The following ATP10B variants were observed in gnomAD, a reference collection of about 807,000 sequenced individuals.
ATP10B encodes the protein ATPase phospholipid transporting 10B (putative).
Under a neutral mutation model 141.2 loss-of-function variants are expected in ATP10B, and 122 were observed. The observed-to-expected ratio is 0.86, with a 90% CI of 0.75 to 1.00. The LOEUF (loss-of-function observed/expected upper bound fraction) is 1.00, where lower values mean the gene tolerates loss of function less well. ATP10B is among the 50% of genes least tolerant of loss of function. ATP10B has a pLI of 0.00. For missense variants in ATP10B, 1,876 were observed against 1,825.3 expected (o/e 1.03, Z -0.51); for synonymous variants, 685 against 692.0 (o/e 0.99, Z 0.16).
intron 12 of ATP10B, chr5:160,633,354 T>C (rs1032829690): frequency 6.6e-6 from 1 of 152,218 alleles, no homozygotes; most frequent in Non-Finnish European, 1.5e-5. Context: ...ATGTGGCACA[T>C]ATACACCATG....
chr5:160,791,696 C>T (rs148621152), intron 1 of ATP10B, among the ~76,000 whole-genome samples: 108 of 152,302 alleles, frequency 7.1e-4, no homozygotes, highest in African/African-American at 2.4e-3. Context: ...AGGAATACTT[C>T]TCAGTAGCTG....
At chr5:160,683,530 C>T (rs1262998473) in intron 6 of ATP10B, among the ~76,000 whole-genome samples, 2 of 152,208 alleles carry the variant, frequency 1.3e-5, no homozygotes, top group Non-Finnish European at 2.9e-5. Context: ...GAGAAGAGAA[C>T]CCCTCCTTAG....
Position 160,607,064 on chromosome 5 carries a change from T to C in ATP10B, c.2861A>G (p.Asn954Ser), listed in dbSNP as rs766324052. 9 of 1,613,290 alleles carry C rather than the reference T, an allele frequency of 5.6e-6. No homozygotes were observed. The highest frequency in any genetic ancestry group is 1.7e-4 in the Middle Eastern group (1 of 6,058). ...TTGCTTTAGCTCTTCCAATGCACAATTGAGGATGGATTCACAGGTCTCCTA... is the reference window on the plus strand; with the variant it reads ...TTGCTTTAGCTCTTCCAATGCACAACTGAGGATGGATTCACAGGTCTCCTA... Reference protein sequence around the residue: ...ENQETCESILNCALEELKQFR... With the variant: ...ENQETCESILSCALEELKQFR... Residue 954 changes from asparagine to serine, a missense_variant, in exon 19 of 26, where the codon AAT becomes AGT. Coordinates refer to ENST00000327245, the MANE Select transcript of ATP10B (RefSeq NM_025153.3).
the ATP10B span, among the ~76,000 whole-genome samples, chr5:160,920,470 A>G: frequency 2.0e-5 from 3 of 152,352 alleles, no homozygotes; most frequent in African/African-American, 7.2e-5. Context: ...GAGCTCTGAC[A>G]TGGTCATTCT....
the ATP10B span, among the ~76,000 whole-genome samples, chr5:160,871,658 T>C: frequency 6.6e-6 from 1 of 152,148 alleles, no homozygotes; most frequent in African/African-American, 2.4e-5. Context: ...CTTAAAAGAA[T>C]AGTCTCCAAT....
intron 8 of ATP10B, among the ~76,000 whole-genome samples, chr5:160,646,710 A>T (rs759835363): frequency 6.6e-6 from 1 of 151,848 alleles, no homozygotes; most frequent in African/African-American, 2.4e-5. Flanking sequence ...TAATTTTAGG[A>T]TGTTCTGAAG....
At chr5:160,855,890 A>G (rs1753984708), upstream of ATP10B, among the ~76,000 whole-genome samples, 3 of 151,966 alleles carry the variant, frequency 2.0e-5, no homozygotes, top group South Asian at 6.2e-4. Flanking sequence ...GTAAAAAAAA[A>G]AATTAGTTGC....
chr5:160,652,502 A>G (rs1224123121), intron 7 of ATP10B, among the ~76,000 whole-genome samples: 1 of 146,672 alleles, frequency 6.8e-6, no homozygotes, highest in Non-Finnish European at 1.5e-5. Context: ...TCTGTCACCC[A>G]GGCTGCAGTG....
chr5:160,605,953 G>A (rs1757364287), intron 19 of ATP10B, among the ~76,000 whole-genome samples: 1 of 152,216 alleles, frequency 6.6e-6, no homozygotes, highest in South Asian at 2.1e-4. Context: ...AGCAAAGTTA[G>A]GTAGGATTGG....
At chr5:160,703,320 T>C (rs2127762986) in intron 3 of ATP10B, among the ~76,000 whole-genome samples, 1 of 152,330 alleles carries the variant, frequency 6.6e-6, no homozygotes, top group African/African-American at 2.4e-5. Flanking sequence ...AGCTATGTTT[T>C]ATACTATACT....
chr5:160,599,636 G>A (rs190103469), intron 21 of ATP10B, among the ~76,000 whole-genome samples: 125 of 152,312 alleles, frequency 8.2e-4, no homozygotes, highest in Middle Eastern at 3.4e-3. Context: ...CGGTGACCTC[G>A]TGAGAAGGTT....
the ATP10B span, among the ~76,000 whole-genome samples, chr5:160,918,701 C>T: frequency 1.5e-4 from 23 of 152,230 alleles, no homozygotes; most frequent in Admixed American, 1.1e-3. Flanking sequence ...TGGATCATCA[C>T]GGGGACAAAA....
chr5:160,682,983 G>A (rs1376814076), intron 6 of ATP10B, among the ~76,000 whole-genome samples: 1 of 137,216 alleles, frequency 7.3e-6, no homozygotes, highest in Non-Finnish European at 1.5e-5. Flanking sequence ...AGCTTGCAGT[G>A]AGCTGTGATG....
intron 1 of ATP10B, among the ~76,000 whole-genome samples, chr5:160,822,991 T>C (rs1165007976): frequency 1.3e-5 from 1 of 78,162 alleles, no homozygotes; most frequent in Non-Finnish European, 2.5e-5. Flanking sequence ...TACATATACA[T>C]ATATATATAC....
At chr5:160,870,459 T>C in the ATP10B span, among the ~76,000 whole-genome samples, 7 of 148,996 alleles carry the variant, frequency 4.7e-5, no homozygotes, top group East Asian at 1.4e-3. Flanking sequence ...GCAGAACCAG[T>C]CTTGGATGAG....
the ATP10B span, among the ~76,000 whole-genome samples, chr5:160,873,891 C>G: frequency 6.6e-6 from 1 of 152,224 alleles, no homozygotes; most frequent in African/African-American, 2.4e-5. Flanking sequence ...CCTACACCCA[C>G]GGAGTCTCGC....
At chr5:160,708,366 G>T (rs1765145181) in intron 3 of ATP10B, among the ~76,000 whole-genome samples, 1 of 152,152 alleles carries the variant, frequency 6.6e-6, no homozygotes, top group Non-Finnish European at 1.5e-5. Flanking sequence ...TCATGAGAGA[G>T]CCAAGGAGAT....
At chr5:160,809,136 T>C (rs1210126479) in intron 1 of ATP10B, among the ~76,000 whole-genome samples, 1 of 152,234 alleles carries the variant, frequency 6.6e-6, no homozygotes, top group Non-Finnish European at 1.5e-5. Context: ...ATTTTTACTG[T>C]GAAGGCTACA....
intron 1 of ATP10B, among the ~76,000 whole-genome samples, chr5:160,798,693 A>T (rs1343816338): frequency 6.6e-6 from 1 of 151,510 alleles, no homozygotes; most frequent in Non-Finnish European, 1.5e-5. Context: ...GTGATGTGTC[A>T]TGGCAGCCCT....
Sources: gnomAD v4.1 joint callset for allele counts (sites outside exome capture counted in the v4.1 genomes callset) on GRCh38, gnomAD v4.1.1 for gene constraint, MANE v1.5 for transcripts, NCBI Gene and HGNC (gene_info 2026-07-23, HGNC 2026-07-21) for gene names.